Variants in DLC1 observed in about 807,000 individuals in gnomAD.
DLC1 encodes DLC1 Rho GTPase activating protein, also known as rho GTPase-activating protein 7.
Under a neutral mutation model 140.3 loss-of-function variants are expected in DLC1, and 54 were observed. The observed-to-expected ratio is 0.38, with a 90% CI of 0.31 to 0.48. The LOEUF is 0.48. DLC1 is among the 20% of genes least tolerant of loss of function. The pLI, the probability that DLC1 is intolerant of heterozygous loss-of-function variation, is 0.96. For missense variants in DLC1, 2,536 were observed against 1,907.0 expected (o/e 1.33, Z -6.14); for synonymous variants, 986 against 728.1 (o/e 1.35, Z -5.70).
At chr8:13,120,030 G>A (rs6531025) in intron 5 of DLC1, among the ~76,000 whole-genome samples, 102,237 of 151,458 alleles carry the variant, frequency 0.68, 38,591 homozygotes, top group East Asian at 0.85. Flanking sequence ...TGCAAGACAG[G>A]TTCTTCCCTT....
At chr8:13,595,036 C>G (rs1053713871) in intron 1 of DLC1, among the ~76,000 whole-genome samples, 1 of 151,718 alleles carries the variant, frequency 6.6e-6, no homozygotes, top group Non-Finnish European at 1.5e-5. Context: ...AAAAAGTGGA[C>G]TAGCCTGGAT....
At chr8:13,600,055 G>T (rs2117496390) in intron 1 of DLC1, among the ~76,000 whole-genome samples, 1 of 151,956 alleles carries the variant, frequency 6.6e-6, no homozygotes, top group East Asian at 1.9e-4. Flanking sequence ...ATGAATGGAG[G>T]TATCTGAAGA....
intron 1 of DLC1, among the ~76,000 whole-genome samples, chr8:13,570,759 C>G (rs957644676): frequency 6.6e-6 from 1 of 152,082 alleles, no homozygotes; most frequent in Non-Finnish European, 1.5e-5. Context: ...CCCGCTTCTT[C>G]GTCGTCTTCA....
intron 1 of DLC1, among the ~76,000 whole-genome samples, chr8:13,562,368 T>C (rs1232029348): frequency 6.6e-6 from 1 of 151,668 alleles, no homozygotes; most frequent in Non-Finnish European, 1.5e-5. Context: ...TCTTGAGAAT[T>C]GAAAAGAAAA....
At chr8:13,199,728 T>C (rs1827273608) in intron 5 of DLC1, among the ~76,000 whole-genome samples, 1 of 152,096 alleles carries the variant, frequency 6.6e-6, no homozygotes, top group Non-Finnish European at 1.5e-5. Flanking sequence ...GATGATAACA[T>C]AGAGGTGAGG....
intron 16 of DLC1, among the ~76,000 whole-genome samples, chr8:13,086,722 C>A (rs1265155515): frequency 1.3e-5 from 2 of 152,194 alleles, no homozygotes; most frequent in East Asian, 3.9e-4. Flanking sequence ...TGGATTAATG[C>A]CAATTATAAA....
At chr8:13,094,543 G>A (rs1818346274) in intron 12 of DLC1, among the ~76,000 whole-genome samples, 1 of 152,134 alleles carries the variant, frequency 6.6e-6, no homozygotes. Context: ...GCGCCCTCCT[G>A]TAGTCCCAGC....
intron 3 of DLC1, among the ~76,000 whole-genome samples, chr8:13,394,672 G>A (rs922628298): frequency 2.6e-5 from 4 of 152,206 alleles, no homozygotes; most frequent in South Asian, 2.1e-4. Context: ...CAACTTTGCC[G>A]TGGTTCACAT....
intron 5 of DLC1, among the ~76,000 whole-genome samples, chr8:13,163,642 T>C (rs1824885731): frequency 6.6e-6 from 1 of 151,928 alleles, no homozygotes; most frequent in Non-Finnish European, 1.5e-5. Context: ...CAGAACAAGG[T>C]GGCTTAAAAT....
At chr8:13,199,069 C>T (rs1283930157) in intron 5 of DLC1, among the ~76,000 whole-genome samples, 1 of 151,996 alleles carries the variant, frequency 6.6e-6, no homozygotes, top group East Asian at 1.9e-4. Flanking sequence ...GTAATAGCAA[C>T]TTACAGCTTA....
At chr8:13,110,967 T>C (rs1820056238) in intron 6 of DLC1, 144 bp from the exon 7 acceptor site, 1 of 705,756 alleles carries the variant, frequency 1.4e-6, no homozygotes, top group Non-Finnish European at 2.4e-6. Flanking sequence ...TCAAGTTCTA[T>C]GGGACTATAA....
intron 5 of DLC1, among the ~76,000 whole-genome samples, chr8:13,290,477 C>T (rs79034158): frequency 0.05 from 7,592 of 152,090 alleles, 236 homozygotes; most frequent in South Asian, 0.12. Context: ...ATTAAAAATG[C>T]CATTTCCCTT....
At chr8:13,143,846 G>GAGAGAGAGAGAGAGACAGAGAC (rs1476183797) in intron 5 of DLC1, among the ~76,000 whole-genome samples, 10 of 148,386 alleles carry the variant, frequency 6.7e-5, no homozygotes, top group Admixed American at 1.3e-4. Context: ...GAGAGAGAGA[G>GAGAGAGAGAGAGAGACAGAGAC]AGAGAGACAT....
intron 5 of DLC1, among the ~76,000 whole-genome samples, chr8:13,172,907 C>G (rs574040759): frequency 6.6e-6 from 1 of 152,190 alleles, no homozygotes; most frequent in African/African-American, 2.4e-5. Flanking sequence ...CTCCATCTTT[C>G]TGTAGTTGAT....
At chr8:13,315,892 A>G (rs571196067) in intron 4 of DLC1, among the ~76,000 whole-genome samples, 1 of 152,326 alleles carries the variant, frequency 6.6e-6, no homozygotes, top group South Asian at 2.1e-4. Flanking sequence ...AAAATTATTC[A>G]GAGTGGGTTT....
intron 4 of DLC1, among the ~76,000 whole-genome samples, chr8:13,371,116 C>T (rs1260066466): frequency 2.0e-5 from 3 of 152,168 alleles, no homozygotes; most frequent in Non-Finnish European, 2.9e-5. Context: ...CCTAGTTGCT[C>T]AATCTTTCTG....
chr8:13,343,603 G>C (rs1671342), intron 4 of DLC1, among the ~76,000 whole-genome samples: 129,544 of 152,152 alleles, frequency 0.85, 55,615 homozygotes, highest in East Asian at 0.95. Flanking sequence ...TCCCCATTTT[G>C]TCCATAAGAA....
At chr8:13,397,641 C>T (rs1450844018) in intron 3 of DLC1, among the ~76,000 whole-genome samples, 3 of 148,116 alleles carry the variant, frequency 2.0e-5, no homozygotes, top group Admixed American at 6.8e-5. Context: ...CCAGCCTGGG[C>T]AATGTAGAGA....
chr8:13,402,270 A>G (rs1837332607), intron 2 of DLC1, among the ~76,000 whole-genome samples: 1 of 152,338 alleles, frequency 6.6e-6, no homozygotes, highest in East Asian at 1.9e-4. Flanking sequence ...AGTTCTCTGT[A>G]CTACAGACAT....
Sources: gnomAD v4.1 joint callset for allele counts (sites outside exome capture counted in the v4.1 genomes callset) on GRCh38, gnomAD v4.1.1 for gene constraint, MANE v1.5 for transcripts, NCBI Gene and HGNC (gene_info 2026-07-23, HGNC 2026-07-21) for gene names.